ZNF521: variants seen among roughly 807,000 people sequenced by gnomAD.
ZNF521 encodes LYST-interacting protein 3.
Under a neutral mutation model 105.5 loss-of-function variants are expected in ZNF521, and 14 were observed. The ratio of observed to expected loss-of-function variants is 0.13; its 90% CI spans 0.09 to 0.21. ZNF521 has a LOEUF of 0.21. Among genes scored for constraint, ZNF521 ranks in the 10% least tolerant of loss-of-function variants. ZNF521 has a pLI of 1.00. For synonymous variants in ZNF521, 635 were observed against 606.0 expected (o/e 1.05, Z -0.70); for missense variants, 1,233 against 1,629.7 (o/e 0.76, Z 4.19).
At chr18:25,110,010 T>C (rs542525633) in intron 5 of ZNF521, among the ~76,000 whole-genome samples, 38 of 152,356 alleles carry the variant, frequency 2.5e-4, no homozygotes, top group Admixed American at 9.8e-4. Flanking sequence ...GATTTTCTTC[T>C]TCTATATTCT....
intron 3 of ZNF521, among the ~76,000 whole-genome samples, chr18:25,297,532 G>A (rs1911392512): frequency 6.6e-6 from 1 of 152,044 alleles, no homozygotes; most frequent in Non-Finnish European, 1.5e-5. Context: ...AGAAAATATA[G>A]AAAATGAATG....
intron 5 of ZNF521, among the ~76,000 whole-genome samples, chr18:25,138,871 C>T (rs950916290): frequency 2.6e-5 from 4 of 152,140 alleles, no homozygotes; most frequent in Admixed American, 1.3e-4. Context: ...CCCACGAACA[C>T]TGCCTTACTC....
chr18:25,242,525 G>C (rs28485249), intron 3 of ZNF521, among the ~76,000 whole-genome samples: 10,035 of 151,946 alleles, frequency 0.066, 865 homozygotes, highest in African/African-American at 0.2. Context: ...CTTGATCTAG[G>C]AATATATTAT....
intron 2 of ZNF521, 182 bp from the exon 3 acceptor site, chr18:25,322,369 T>G: frequency 1.3e-6 from 1 of 749,360 alleles, no homozygotes; most frequent in Admixed American, 1.8e-5. Flanking sequence ...ATTCAGTTAG[T>G]GACTATCAAA....
chr18:25,091,043 C>T (rs991190887), intron 6 of ZNF521, among the ~76,000 whole-genome samples: 1 of 152,178 alleles, frequency 6.6e-6, no homozygotes, highest in African/African-American at 2.4e-5. Context: ...AACATGGCCC[C>T]TCTTTATCAC....
At chr18:25,312,801 G>C (rs1211908067) in intron 3 of ZNF521, among the ~76,000 whole-genome samples, 1 of 31,568 alleles carries the variant, frequency 3.2e-5, no homozygotes, top group Non-Finnish European at 6.6e-5. Context: ...CTGGGCGACA[G>C]AGCGAGACTC....
intron 3 of ZNF521, among the ~76,000 whole-genome samples, chr18:25,293,199 A>G (rs998901943): frequency 3.3e-5 from 5 of 152,334 alleles, no homozygotes; most frequent in East Asian, 1.9e-4. Flanking sequence ...GAAAAATCAT[A>G]CATATGATTC....
intron 3 of ZNF521, among the ~76,000 whole-genome samples, chr18:25,320,566 GTGA>G (rs76295664): frequency 0.093 from 14,160 of 152,216 alleles, 745 homozygotes; most frequent in Middle Eastern, 0.18. Flanking sequence ...GTATAGAGGT[GTGA>G]TGATGTCTCC....
chr18:25,085,255 A>G (rs2033594947), intron 7 of ZNF521, among the ~76,000 whole-genome samples: 1 of 150,008 alleles, frequency 6.7e-6, no homozygotes, highest in Admixed American at 6.7e-5. Context: ...ATAATATGAT[A>G]TAATTTTATA....
intron 5 of ZNF521, among the ~76,000 whole-genome samples, chr18:25,120,592 A>ACAAAC (rs71979698): frequency 0.029 from 2,338 of 80,496 alleles, 73 homozygotes; most frequent in African/African-American, 0.15. Context: ...TAAAAAAAAA[A>ACAAAC]AAAAAAAAAA....
At chr18:25,075,842 C>T (rs1186328587) in intron 7 of ZNF521, among the ~76,000 whole-genome samples, 1 of 152,176 alleles carries the variant, frequency 6.6e-6, no homozygotes, top group Non-Finnish European at 1.5e-5. Context: ...TTTTTCTCCC[C>T]TGAATCAGAG....
At chr18:25,295,345 T>A (rs993916297) in intron 3 of ZNF521, among the ~76,000 whole-genome samples, 1 of 152,210 alleles carries the variant, frequency 6.6e-6, no homozygotes, top group Admixed American at 6.5e-5. Flanking sequence ...TCATTCATTT[T>A]CTCTGCTAAT....
rs541926472 is a variant in ZNF521 at position 25,303,429 on chromosome 18, CT to C, written c.220+18578del. On this transcript the variant is annotated intron_variant, in intron 3 of 7. Transcript: ENST00000361524. ...TCTCCTGCCTCAGCCTCCCTAGTAG[CT>C]GGGACTACAGGTGCCCGCCACCATG... Among the ~76,000 whole-genome samples, 577 of 152,060 alleles carry C rather than the reference CT, an allele frequency of 3.8e-3. 2 individuals carry two copies. Among genetic ancestry groups the C allele is most frequent in the African/African-American group, 0.013 (539 of 41,448 alleles).
rs1191939510 is a variant in ZNF521 at position 25,111,214 on chromosome 18, CA to C, written c.3659-19134del. On this transcript the variant is annotated intron_variant, in intron 5 of 7. Transcript: ENST00000361524. ...GCTGACCTCTACTTGGCCTTCCCTG[CA>C]AAGTTTTCTTTATTTTACATTTTAA... is the stretch of plus-strand genomic sequence containing the variant. Among the ~76,000 whole-genome samples, 3 of 152,058 alleles carry C rather than the reference CA, an allele frequency of 2.0e-5. No homozygotes were observed. In the East Asian group the frequency reaches 5.8e-4, roughly 29 times the overall value.
At chr18:25,321,910 A>C in intron 3 of ZNF521, 98 bp downstream of exon 3, 1 of 1,194,912 alleles carries the variant, frequency 8.4e-7, no homozygotes, top group Non-Finnish European at 1.2e-6. Context: ...AAATGTAGGA[A>C]TAAAATAATT....
chr18:25,097,283 T>C (rs1404692581), intron 5 of ZNF521, among the ~76,000 whole-genome samples: 1 of 152,130 alleles, frequency 6.6e-6, no homozygotes, highest in African/African-American at 2.4e-5. Flanking sequence ...ATACAGCACA[T>C]GTTTCATGAC....
intron 5 of ZNF521, among the ~76,000 whole-genome samples, chr18:25,096,867 A>C (rs2033862294): frequency 6.6e-6 from 1 of 152,188 alleles, no homozygotes; most frequent in Admixed American, 6.5e-5. Flanking sequence ...GCCATACTTA[A>C]AAGCTCTGAT....
chr18:25,285,304 A>C (rs1378629625), intron 3 of ZNF521, among the ~76,000 whole-genome samples: 1 of 152,194 alleles, frequency 6.6e-6, no homozygotes, highest in East Asian at 1.9e-4. Flanking sequence ...TCCCAAGTTC[A>C]AATTTCTGAA....
chr18:25,307,186 A>G (rs1335629245), intron 3 of ZNF521, among the ~76,000 whole-genome samples: 1 of 152,114 alleles, frequency 6.6e-6, no homozygotes, highest in Non-Finnish European at 1.5e-5. Flanking sequence ...TACTAATACA[A>G]TTGCAAGAGC....
Sources: allele counts gnomAD v4.1 joint callset (sites outside exome capture counted in the v4.1 genomes callset), GRCh38; gene constraint gnomAD v4.1.1; transcripts MANE v1.5; gene names NCBI Gene and HGNC (gene_info 2026-07-23, HGNC 2026-07-21).